CADM1: variants seen among roughly 807,000 people sequenced by gnomAD.
CADM1 encodes the protein cell adhesion molecule 1, also known as TSLC-1.
CADM1 carries 15 observed loss-of-function variants against 53.1 expected under a neutral mutation model. The ratio of observed to expected loss-of-function variants is 0.28; its 90% CI spans 0.19 to 0.44. The LOEUF (loss-of-function observed/expected upper bound fraction) is 0.44, where lower values mean the gene tolerates loss of function less well. Among genes scored for constraint, CADM1 ranks in the 20% least tolerant of loss-of-function variants. The pLI, the probability that CADM1 is intolerant of heterozygous loss-of-function variation, is 1.00. For missense variants in CADM1, 434 were observed against 611.3 expected (o/e 0.71, Z 3.06); for synonymous variants, 281 against 243.0 (o/e 1.16, Z -1.45).
chr11:115,276,624 C>T (rs970283360), intron 1 of CADM1, among the ~76,000 whole-genome samples: 1 of 152,170 alleles, frequency 6.6e-6, no homozygotes. Context: ...GTTCTCATTA[C>T]ATCATAAAAC....
At chr11:115,177,531 C>A (rs975573313) in intron 11 of CADM1, among the ~76,000 whole-genome samples, 4 of 152,108 alleles carry the variant, frequency 2.6e-5, no homozygotes, top group Non-Finnish European at 5.9e-5. Context: ...TTCAAAGTAA[C>A]AAATCTGAGA....
chr11:115,316,176 A>G (rs1396572838), intron 1 of CADM1, among the ~76,000 whole-genome samples: 1 of 152,206 alleles, frequency 6.6e-6, no homozygotes, highest in Non-Finnish European at 1.5e-5. Context: ...AAGGTTTTTC[A>G]AGTTATTTGG....
intron 1 of CADM1, among the ~76,000 whole-genome samples, chr11:115,336,335 C>T (rs1945266732): frequency 1.3e-5 from 2 of 152,136 alleles, no homozygotes; most frequent in African/African-American, 2.4e-5. Flanking sequence ...CAGTTTTCAT[C>T]TCATCGATCC....
At chr11:115,179,212 T>C (rs1289600651) in intron 10 of CADM1, 3 of 224,842 alleles carry the variant, frequency 1.3e-5, no homozygotes, top group Admixed American at 4.9e-5. Flanking sequence ...TTTTATTATC[T>C]GGTAGATTAG....
intron 1 of CADM1, among the ~76,000 whole-genome samples, chr11:115,252,634 C>G (rs1489609556): frequency 6.6e-6 from 1 of 152,080 alleles, no homozygotes; most frequent in Admixed American, 6.6e-5. Context: ...GGTTTCCTCC[C>G]TTTCTGTATA....
Position 115,175,085 on chromosome 11 carries a change from A to G in CADM1, c.*1389T>C. The G allele has an allele frequency of 2.0e-6, 2 of 985,892 alleles. No homozygotes were observed. The highest frequency in any genetic ancestry group is 2.4e-6 in the Non-Finnish European group (2 of 829,938). The allele number at this position is 985,892 out of a possible 1,614,324, so 61.1% of individuals were successfully genotyped here. On this transcript the variant is annotated 3_prime_UTR_variant, in exon 12 of 12. Transcript: ENST00000331581. ...TGAGGAAAGAGGCCAAGGCTAGTGT[A>G]TGAAAGGTAAAAAGATAAAAACACT...
At chr11:115,471,939 C>T (rs1591280261) in intron 1 of CADM1, among the ~76,000 whole-genome samples, 4 of 152,138 alleles carry the variant, frequency 2.6e-5, no homozygotes. Context: ...AAAAGGTGAA[C>T]GTAAATCAAG....
At chr11:115,237,035 G>A (rs1942033199) in intron 3 of CADM1, among the ~76,000 whole-genome samples, 1 of 152,152 alleles carries the variant, frequency 6.6e-6, no homozygotes, top group Non-Finnish European at 1.5e-5. Flanking sequence ...TTGTGGAAAT[G>A]CCATAAACGA....
At chr11:115,273,532 G>A (rs1943362126) in intron 1 of CADM1, among the ~76,000 whole-genome samples, 1 of 152,058 alleles carries the variant, frequency 6.6e-6, no homozygotes, top group South Asian at 2.1e-4. Context: ...GTTACTAGAA[G>A]TATCATGATT....
chr11:115,445,691 A>G, intron 1 of CADM1: 1 of 392,522 alleles, frequency 2.5e-6, no homozygotes, highest in Non-Finnish European at 5.1e-6. Flanking sequence ...AAAAAATTTA[A>G]AAATTAGCTG....
rs73574136 is a variant in CADM1 at position 115,238,109 on chromosome 11, T to C, written c.424+391A>G. On this transcript the variant is annotated intron_variant, in intron 3 of 11. Coordinates refer to ENST00000331581, the MANE Select transcript of CADM1 (RefSeq NM_001301043.2). ...TAACTCAGAAGGAAAAATCATTACG[T>C]GGATTTCATAACTGAGCTCTGCCAT... is the stretch of plus-strand genomic sequence containing the variant. Among the ~76,000 whole-genome samples the C allele has an allele frequency of 8.3e-3, 1,257 of 152,266 alleles. 20 individuals carry two copies. Among genetic ancestry groups the C allele is most frequent in the African/African-American group, 0.027 (1,124 of 41,544 alleles).
At chr11:115,249,732 T>C (rs1294397878) in intron 1 of CADM1, among the ~76,000 whole-genome samples, 5 of 152,202 alleles carry the variant, frequency 3.3e-5, no homozygotes, top group Non-Finnish European at 1.5e-5. Context: ...GGTGAGCTCT[T>C]ACTCTGTAAA....
At chr11:115,386,332 G>C (rs1946697664) in intron 1 of CADM1, among the ~76,000 whole-genome samples, 1 of 152,206 alleles carries the variant, frequency 6.6e-6, no homozygotes, top group Non-Finnish European at 1.5e-5. Flanking sequence ...ATATATGTCA[G>C]CCTTTATATT....
rs539387826 is a variant in CADM1, at chr11:115,294,947, G to A, written c.125-54527C>T. 1.1e-4 allele frequency among the ~76,000 whole-genome samples: 16 copies of A among 152,276 alleles called. 1 individual carries two copies. Among genetic ancestry groups the A allele is most frequent in the African/African-American group, 3.6e-4 (15 of 41,558 alleles). ...CAGCTACTCCAGGAGGCTGAGGCAGGAGAATTGCTTGAACCTGGGAGGTGG... is the reference window on the plus strand; with the variant it reads ...CAGCTACTCCAGGAGGCTGAGGCAGAAGAATTGCTTGAACCTGGGAGGTGG... On this transcript the variant is annotated intron_variant, in intron 1 of 11. Coordinates refer to ENST00000331581, the MANE Select transcript of CADM1 (RefSeq NM_001301043.2).
chr11:115,441,785 G>A (rs890783839), intron 1 of CADM1, among the ~76,000 whole-genome samples: 1 of 152,060 alleles, frequency 6.6e-6, no homozygotes, highest in Non-Finnish European at 1.5e-5. Context: ...TGACAGCCCT[G>A]AGAGTTTCAA....
chr11:115,311,229 A>C (rs1944524125), intron 1 of CADM1, among the ~76,000 whole-genome samples: 1 of 152,194 alleles, frequency 6.6e-6, no homozygotes, highest in African/African-American at 2.4e-5. Flanking sequence ...ATAGGTAATA[A>C]AAATTTTTAA....
chr11:115,380,897 A>C (rs192797612), intron 1 of CADM1, among the ~76,000 whole-genome samples: 94 of 152,350 alleles, frequency 6.2e-4, no homozygotes, highest in Admixed American at 2.9e-3. Flanking sequence ...TTAAATAAGA[A>C]GCTTAATATT....
chr11:115,272,479 AG>A (rs1211749376), intron 1 of CADM1, among the ~76,000 whole-genome samples: 2 of 152,212 alleles, frequency 1.3e-5, no homozygotes, highest in African/African-American at 4.8e-5. Context: ...GTATACAGCT[AG>A]ATTATTATGA....
In CADM1 at chr11:115,176,378, A is replaced by C; in HGVS notation, c.*96T>G. The C allele has an allele frequency of 6.2e-7, 1 of 1,602,046 alleles. No individual in the cohort carries two copies. On this transcript the variant is annotated 3_prime_UTR_variant, in exon 12 of 12. Coordinates refer to ENST00000331581, the MANE Select transcript of CADM1 (RefSeq NM_001301043.2). ...TCTCACACCTTTCCACCCATTCATAAAAAAACACACGAATTTCTCGCAAGT... is the reference window on the plus strand; with the variant it reads ...TCTCACACCTTTCCACCCATTCATACAAAAACACACGAATTTCTCGCAAGT...
Sources: gnomAD v4.1 joint callset for allele counts (sites outside exome capture counted in the v4.1 genomes callset) on GRCh38, gnomAD v4.1.1 for gene constraint, MANE v1.5 for transcripts, NCBI Gene and HGNC (gene_info 2026-07-23, HGNC 2026-07-21) for gene names.